Variants in DST observed in about 807,000 individuals in gnomAD.
The protein encoded by DST is dystonin, also known as bullous pemphigoid antigen.
DST carries 253 observed loss-of-function variants against 875.2 expected under a neutral mutation model. The observed-to-expected ratio is 0.29, with a 90% CI of 0.26 to 0.32. The LOEUF is 0.32. Among genes scored for constraint, DST ranks in the 10% least tolerant of loss-of-function variants. DST has a pLI of 1.00. For missense variants in DST, 8,287 were observed against 9,111.6 expected (o/e 0.91, Z 3.68); for synonymous variants, 3,124 against 3,197.1 (o/e 0.98, Z 0.77).
chr6:56,872,206 T>G (rs751722083), intron 3 of DST, among the ~76,000 whole-genome samples: 60 of 152,166 alleles, frequency 3.9e-4, no homozygotes, highest in Admixed American at 2.0e-4. Flanking sequence ...AACTGTGGTA[T>G]AGTCATACAA....
intron 88 of DST, chr6:56,484,546 T>C (rs1419819644): frequency 1.3e-5 from 2 of 152,120 alleles, no homozygotes; most frequent in Non-Finnish European, 2.9e-5. Flanking sequence ...AAATACAAGA[T>C]GAATTTAAGT....
intron 22 of DST, 116 bp from the exon 23 acceptor site, chr6:56,636,768 T>C (rs1465336422): frequency 3.3e-6 from 3 of 904,604 alleles, no homozygotes; most frequent in African/African-American, 1.6e-5. Context: ...ACCAATTGTT[T>C]TGGCAGAATA....
chr6:56,630,207 A>G, intron 31 of DST, 38 bp downstream of exon 31: 2 of 1,429,822 alleles, frequency 1.4e-6, no homozygotes, highest in South Asian at 1.2e-5. Context: ...TACTTGTAGA[A>G]TACGATATTT....
chr6:56,663,081 T>C (rs1235509299), intron 10 of DST, among the ~76,000 whole-genome samples: 2 of 152,180 alleles, frequency 1.3e-5, no homozygotes, highest in East Asian at 1.9e-4. Flanking sequence ...AAGAAAGTAA[T>C]ATATTCAGAT....
chr6:56,798,924 A>C (rs1436031789), intron 4 of DST, among the ~76,000 whole-genome samples: 1 of 152,218 alleles, frequency 6.6e-6, no homozygotes, highest in Non-Finnish European at 1.5e-5. Context: ...ATGTGGTGGA[A>C]ATAGCAAGAG....
At chr6:56,471,304 C>A in intron 94 of DST, 36 bp from the exon 95 acceptor site, 1 of 1,505,446 alleles carries the variant, frequency 6.6e-7, no homozygotes, top group Non-Finnish European at 9.0e-7. Context: ...TGAGTTAATG[C>A]TGTACTAAAA....
chr6:56,479,584 T>C lies in DST; in HGVS notation c.21532-2096A>G, dbSNP rs185606284. On this transcript the variant is annotated intron_variant, in intron 90 of 103. Coordinates refer to ENST00000680361, the MANE Select transcript of DST (RefSeq NM_001374736.1). ...AATGTGGTACATATATACCATGGAA[T>C]ACTATGCAGCCATAAAAAAGAATGA... Among the ~76,000 whole-genome samples, 483 of 152,242 alleles carry C rather than the reference T, an allele frequency of 3.2e-3. 3 individuals are homozygous for C. The highest frequency in any genetic ancestry group is 0.011 in the African/African-American group (466 of 41,544).
chr6:56,835,684 T>C (rs2099792780), intron 4 of DST, among the ~76,000 whole-genome samples: 1 of 152,180 alleles, frequency 6.6e-6, no homozygotes, highest in Non-Finnish European at 1.5e-5. Context: ...TCTACCTCAC[T>C]AGACAAGTAG....
chr6:56,763,665 TA>T (rs1295084336), intron 4 of DST, among the ~76,000 whole-genome samples: 3,617 of 103,204 alleles, frequency 0.035, 149 homozygotes, highest in African/African-American at 0.12. Flanking sequence ...AGACTCCTCT[TA>T]AAAAAAAAAA....
chr6:56,925,505 G>T (rs1806579145), intron 2 of DST, among the ~76,000 whole-genome samples: 1 of 152,156 alleles, frequency 6.6e-6, no homozygotes, highest in Non-Finnish European at 1.5e-5. Flanking sequence ...GTAAAAACTG[G>T]CCTTCTTATA....
intron 82 of DST, among the ~76,000 whole-genome samples, chr6:56,494,513 T>C (rs2095848858): frequency 1.3e-5 from 2 of 152,112 alleles, no homozygotes; most frequent in African/African-American, 4.8e-5. Flanking sequence ...TAATTTCATC[T>C]CTCTGAGCCT....
intron 12 of DST, among the ~76,000 whole-genome samples, chr6:56,649,311 TA>T (rs1007460908): frequency 6.6e-6 from 1 of 152,112 alleles, no homozygotes; most frequent in Non-Finnish European, 1.5e-5. Context: ...AGTGTTATAA[TA>T]AAAAAATACT....
chr6:56,555,257 G>T (rs2097394788), intron 60 of DST, 88 bp downstream of exon 60: 2 of 1,405,268 alleles, frequency 1.4e-6, no homozygotes, highest in Non-Finnish European at 9.6e-7. Flanking sequence ...TCTCTTTGGG[G>T]TCCTGGATTA....
At chr6:56,780,575 C>CT (rs1404165532) in intron 4 of DST, among the ~76,000 whole-genome samples, 1 of 151,882 alleles carries the variant, frequency 6.6e-6, no homozygotes, top group Non-Finnish European at 1.5e-5. Context: ...ATGGGGTTGT[C>CT]TGTTTTTTTC....
At chr6:56,463,876 C>T (rs767972965) in intron 100 of DST, 112 bp from the exon 101 acceptor site, 1 of 1,139,506 alleles carries the variant, frequency 8.8e-7, no homozygotes, top group Non-Finnish European at 1.3e-6. Context: ...TTGAGAATTT[C>T]AAGAACATCT....
chr6:56,512,063 A>T lies in DST; in HGVS notation c.18577-663T>A, dbSNP rs192247111. On this transcript the variant is annotated intron_variant, in intron 72 of 103. Transcript: ENST00000680361. ...ATGTATGAATCTATTCTATATATAT[A>T]TGATATATAGACACACATATGAATG... Among the ~76,000 whole-genome samples, 201 of 152,256 alleles carry T rather than the reference A, an allele frequency of 1.3e-3. 2 individuals carry two copies. The highest frequency in any genetic ancestry group is 4.6e-3 in the African/African-American group (192 of 41,558).
intron 54 of DST, among the ~76,000 whole-genome samples, 151 bp from the exon 55 acceptor site, chr6:56,568,746 C>T (rs2097724652): frequency 2.0e-5 from 3 of 152,152 alleles, no homozygotes; most frequent in African/African-American, 7.2e-5. Flanking sequence ...CTATTTGTTC[C>T]CACAGCCCAG....
At chr6:56,507,053 A>G (rs1274016365) in intron 75 of DST, among the ~76,000 whole-genome samples, 3 of 152,228 alleles carry the variant, frequency 2.0e-5, no homozygotes, top group Non-Finnish European at 4.4e-5. Context: ...TACCAAAACA[A>G]ATTTTTAAAA....
chr6:56,481,548 A>G (rs138492446), intron 90 of DST, among the ~76,000 whole-genome samples: 4 of 152,358 alleles, frequency 2.6e-5, no homozygotes, highest in African/African-American at 9.6e-5. Flanking sequence ...AAAAGGATTT[A>G]AAAGGCTCTT....
Sources: allele counts gnomAD v4.1 joint callset (sites outside exome capture counted in the v4.1 genomes callset), GRCh38; gene constraint gnomAD v4.1.1; transcripts MANE v1.5; gene names NCBI Gene and HGNC (gene_info 2026-07-23, HGNC 2026-07-21).